Variants in IL1RAPL1 observed in about 807,000 individuals in gnomAD.
IL1RAPL1 encodes the protein interleukin 1 receptor accessory protein like 1, also known as interleukin-1 receptor accessory protein-like 1.
IL1RAPL1 carries 3 observed loss-of-function variants against 48.4 expected under a neutral mutation model. The ratio of observed to expected loss-of-function variants is 0.06; its 90% confidence interval spans 0.03 to 0.16. The LOEUF is 0.16. Among genes scored for constraint, IL1RAPL1 ranks in the 10% least tolerant of loss-of-function variants. IL1RAPL1 has a pLI of 1.00. For missense variants in IL1RAPL1, 349 were observed against 530.6 expected (o/e 0.66, Z 3.36); for synonymous variants, 185 against 187.7 (o/e 0.99, Z 0.12).
intron 5 of IL1RAPL1, among the ~76,000 whole-genome samples, chrX:29,487,774 T>TA (rs1336014814): frequency 5.4e-5 from 6 of 111,880 alleles, no homozygotes; most frequent in Non-Finnish European, 7.5e-5. Context: ...GAAAAAGGCA[T>TA]AAAAAATCCA....
intron 2 of IL1RAPL1, among the ~76,000 whole-genome samples, chrX:29,240,337 C>T (rs1280946020): frequency 2.1e-5 from 2 of 95,820 alleles, no homozygotes; most frequent in African/African-American, 7.9e-5. Flanking sequence ...CAGGTTCAAG[C>T]GATTTTCCTG....
At chrX:29,137,258 T>TCA (rs113222106) in intron 2 of IL1RAPL1, among the ~76,000 whole-genome samples, 43,653 of 99,772 alleles carry the variant, frequency 0.44, 7,962 homozygotes, top group Non-Finnish European at 0.55. Flanking sequence ...ACACTTGCGC[T>TCA]CACACACACA....
intron 2 of IL1RAPL1, among the ~76,000 whole-genome samples, chrX:28,899,369 G>T (rs191577352): frequency 4.5e-5 from 5 of 111,557 alleles, no homozygotes; most frequent in African/African-American, 1.6e-4. Context: ...TGTTGCCTGG[G>T]CTGGTTTTGA....
intron 3 of IL1RAPL1, among the ~76,000 whole-genome samples, chrX:29,382,824 C>T (rs1241576885): frequency 1.8e-5 from 2 of 111,613 alleles, no homozygotes; most frequent in Non-Finnish European, 3.8e-5. Flanking sequence ...TATGAGACTC[C>T]ACTCACAGAA....
chrX:29,595,761 T>C (rs1443328626), intron 5 of IL1RAPL1, among the ~76,000 whole-genome samples: 1 of 112,222 alleles, frequency 8.9e-6, no homozygotes, highest in Non-Finnish European at 1.9e-5. Context: ...CTATTTATCT[T>C]TGTTTTTGTT....
At chrX:29,716,350 G>C (rs7472212) in intron 6 of IL1RAPL1, among the ~76,000 whole-genome samples, 53,558 of 110,147 alleles carry the variant, frequency 0.49, 9,599 homozygotes, top group East Asian at 0.61. Flanking sequence ...TCCCTGGAGA[G>C]CCTTGCTTGT....
At chrX:29,199,500 A>G (rs1469557842) in intron 2 of IL1RAPL1, among the ~76,000 whole-genome samples, 2 of 111,809 alleles carry the variant, frequency 1.8e-5, no homozygotes, top group Non-Finnish European at 3.8e-5. Context: ...CATGGAAGAC[A>G]GTTTTTGCGC....
At chrX:29,167,435 T>C (rs1025577414) in intron 2 of IL1RAPL1, among the ~76,000 whole-genome samples, 1 of 108,852 alleles carries the variant, frequency 9.2e-6, no homozygotes, top group African/African-American at 3.3e-5. Flanking sequence ...GTTTTTTACT[T>C]AATACGTATT....
chrX:29,743,724 C>T (rs756121217), intron 6 of IL1RAPL1, among the ~76,000 whole-genome samples: 2 of 112,066 alleles, frequency 1.8e-5, no homozygotes, highest in African/African-American at 3.2e-5. Flanking sequence ...ACCTCGTGAT[C>T]TGTCTGCCTT....
intron 2 of IL1RAPL1, among the ~76,000 whole-genome samples, chrX:29,028,907 T>C (rs1280326516): frequency 9.0e-6 from 1 of 110,779 alleles, no homozygotes; most frequent in Non-Finnish European, 1.9e-5. Context: ...GTGGGTGTAT[T>C]CATCCATTCT....
intron 5 of IL1RAPL1, among the ~76,000 whole-genome samples, chrX:29,604,614 A>G (rs963931378): frequency 9.0e-6 from 1 of 110,529 alleles, no homozygotes; most frequent in Admixed American, 9.7e-5. Context: ...CCAAATTATT[A>G]CTTTTAGATG....
intron 3 of IL1RAPL1, among the ~76,000 whole-genome samples, chrX:29,393,150 G>T (rs1933874907): frequency 1.2e-5 from 1 of 85,576 alleles, no homozygotes. Context: ...TTTTGAGATG[G>T]AGTCTCGCTC....
At chrX:28,607,597 T>G (rs1220753131) in intron 1 of IL1RAPL1, among the ~76,000 whole-genome samples, 1 of 111,337 alleles carries the variant, frequency 9.0e-6, no homozygotes, top group Non-Finnish European at 1.9e-5. Flanking sequence ...ATTGCCTGAA[T>G]GCTACCTTAG....
chrX:28,842,859 C>T (rs1344777297), intron 2 of IL1RAPL1, among the ~76,000 whole-genome samples: 1 of 111,148 alleles, frequency 9.0e-6, no homozygotes, highest in Non-Finnish European at 1.9e-5. Context: ...CTTTTTGCCT[C>T]ATACAGAATA....
intron 2 of IL1RAPL1, among the ~76,000 whole-genome samples, chrX:29,114,071 T>C (rs1376149017): frequency 1.8e-5 from 2 of 111,864 alleles, no homozygotes; most frequent in African/African-American, 6.5e-5. Context: ...TAATATTAGT[T>C]TATGATTTTC....
At chrX:29,512,576 G>T (rs1935404835) in intron 5 of IL1RAPL1, among the ~76,000 whole-genome samples, 2 of 111,357 alleles carry the variant, frequency 1.8e-5, no homozygotes, top group Non-Finnish European at 3.8e-5. Flanking sequence ...TATTTGTTTT[G>T]GAGAAAAAGA....
intron 2 of IL1RAPL1, among the ~76,000 whole-genome samples, chrX:28,954,236 A>G (rs1924544615): frequency 9.0e-6 from 1 of 111,285 alleles, no homozygotes; most frequent in African/African-American, 3.3e-5. Flanking sequence ...AGAAATCTAG[A>G]TAAGCCAATA....
rs563678180 is a variant in IL1RAPL1, at chrX:28,587,737, C to T, written c.-335C>T. On this transcript the variant is annotated 5_prime_UTR_variant, in exon 1 of 11. Coordinates refer to ENST00000378993, the MANE Select transcript of IL1RAPL1 (RefSeq NM_014271.4). ...TCTCAGTCTCTCCTTTTCTATCTGC[C>T]TCTTCATTTTTCTCCTAGTCTGTTT... The T allele has an allele frequency of 2.1e-5, 2 of 94,607 alleles. No individual in the cohort carries two copies. The highest frequency in any genetic ancestry group is 7.1e-4 in the East Asian group (2 of 2,808). 7.8% of individuals were successfully genotyped at this position (94,607 alleles called of 1,213,427 possible).
chrX:29,882,827 C>T (rs1228621817), intron 6 of IL1RAPL1, among the ~76,000 whole-genome samples: 3 of 111,735 alleles, frequency 2.7e-5, no homozygotes, highest in Non-Finnish European at 5.6e-5. Flanking sequence ...GAATATGTCA[C>T]AATCATACAG....
Sources: allele counts gnomAD v4.1 joint callset (sites outside exome capture counted in the v4.1 genomes callset), GRCh38; gene constraint gnomAD v4.1.1; transcripts MANE v1.5; gene names NCBI Gene and HGNC (gene_info 2026-07-23, HGNC 2026-07-21).